ERC2: variants seen among roughly 807,000 people sequenced by gnomAD.
ERC2 encodes ELKS/RAB6-interacting/CAST family member 2.
ERC2 carries 42 observed loss-of-function variants against 114.8 expected under a neutral mutation model. The observed-to-expected ratio is 0.37, with a 90% CI of 0.29 to 0.47. ERC2 has a LOEUF of 0.47. Ranked by LOEUF, ERC2 falls within the 20% of genes least tolerant of loss-of-function variation. The probability of loss-of-function intolerance (pLI) is 0.99; values close to 1 mark genes in which losing one functional copy is unlikely to be tolerated. For synonymous variants in ERC2, 454 were observed against 425.5 expected (o/e 1.07, Z -0.82); for missense variants, 939 against 1,150.7 (o/e 0.82, Z 2.66).
intron 2 of ERC2, among the ~76,000 whole-genome samples, chr3:56,306,588 T>C (rs1222265307): frequency 6.6e-6 from 1 of 152,190 alleles, no homozygotes; most frequent in Admixed American, 6.5e-5. Flanking sequence ...GAAGCACTCA[T>C]GTGTAACATC....
At chr3:56,265,057 T>C (rs1438671549) in intron 3 of ERC2, among the ~76,000 whole-genome samples, 3 of 152,150 alleles carry the variant, frequency 2.0e-5, no homozygotes, top group African/African-American at 7.2e-5. Flanking sequence ...TTCAACATAA[T>C]CTCTATTAAC....
chr3:56,086,630 G>A (rs1023954811), intron 6 of ERC2, among the ~76,000 whole-genome samples: 1 of 151,790 alleles, frequency 6.6e-6, no homozygotes. Context: ...AAAACCACAA[G>A]CAGGCACACA....
intron 4 of ERC2, among the ~76,000 whole-genome samples, chr3:56,153,562 C>T (rs910535391): frequency 3.3e-5 from 5 of 152,276 alleles, no homozygotes; most frequent in South Asian, 2.1e-4. Flanking sequence ...TCCAACTTAA[C>T]ATTAAGTGTA....
At chr3:55,826,842 T>A (rs1370326110) in intron 14 of ERC2, among the ~76,000 whole-genome samples, 2 of 152,236 alleles carry the variant, frequency 1.3e-5, no homozygotes, top group African/African-American at 2.4e-5. Flanking sequence ...AAAATAGCTT[T>A]CAAATGGAAG....
At chr3:55,834,523 T>C (rs1167959850) in intron 14 of ERC2, among the ~76,000 whole-genome samples, 5 of 151,636 alleles carry the variant, frequency 3.3e-5, no homozygotes, top group Admixed American at 6.6e-5. Flanking sequence ...GGGTACATAA[T>C]GAAATGAAGG....
chr3:56,041,764 A>G (rs543395420), intron 7 of ERC2, among the ~76,000 whole-genome samples: 71 of 152,212 alleles, frequency 4.7e-4, no homozygotes, highest in African/African-American at 1.6e-3. Context: ...TCAAGTCCTC[A>G]GGTCCCTAGC....
rs560992453 is a variant in ERC2, at chr3:55,915,032, C to T, written c.2404-26483G>A. On this transcript the variant is annotated intron_variant, in intron 13 of 17. Transcript: ENST00000288221. ...TCTTTTATAAAATCTATGCCGTCGTCGCATATTTCATACACACTTTTTAAT... is the reference window on the plus strand; with the variant it reads ...TCTTTTATAAAATCTATGCCGTCGTTGCATATTTCATACACACTTTTTAAT... Among the ~76,000 whole-genome samples the T allele has an allele frequency of 9.2e-5, 14 of 152,236 alleles. No homozygotes were observed. The East Asian group carries it at 2.3e-3, about 25-fold the overall frequency.
intron 14 of ERC2, among the ~76,000 whole-genome samples, chr3:55,801,185 C>G (rs564607515): frequency 6.6e-6 from 1 of 152,200 alleles, no homozygotes; most frequent in African/African-American, 2.4e-5. Flanking sequence ...TTACATATTA[C>G]TTAATACAAT....
At chr3:55,514,821 G>A (rs78225018) in intron 17 of ERC2, among the ~76,000 whole-genome samples, 23,397 of 152,250 alleles carry the variant, frequency 0.15, 2,082 homozygotes, top group Non-Finnish European at 0.19. Flanking sequence ...GAACCCAGTT[G>A]AGCCCATCTG....
chr3:56,032,949 AAG>A (rs1347360848), intron 7 of ERC2, among the ~76,000 whole-genome samples: 2,216 of 75,432 alleles, frequency 0.029, 125 homozygotes, highest in Middle Eastern at 0.06. Context: ...GAAAGAAAGA[AAG>A]AAAGAAACAG....
intron 2 of ERC2, among the ~76,000 whole-genome samples, chr3:56,416,778 A>G (rs573518466): frequency 1.3e-4 from 20 of 151,962 alleles, no homozygotes; most frequent in Non-Finnish European, 2.5e-4. Flanking sequence ...TGAAAGCTCC[A>G]TACAGGCAGG....
At chr3:56,414,538 T>C (rs1009295178) in intron 2 of ERC2, among the ~76,000 whole-genome samples, 2 of 152,002 alleles carry the variant, frequency 1.3e-5, no homozygotes, top group East Asian at 3.9e-4. Context: ...CTGGCTAACA[T>C]GGTGAATTAT....
chr3:55,663,864 T>C (rs2061244559), intron 17 of ERC2, among the ~76,000 whole-genome samples: 1 of 152,246 alleles, frequency 6.6e-6, no homozygotes, highest in African/African-American at 2.4e-5. Flanking sequence ...ACCCTGTTTC[T>C]AACCATGTAC....
intron 3 of ERC2, among the ~76,000 whole-genome samples, chr3:56,201,428 A>C (rs2048399919): frequency 6.6e-6 from 1 of 152,222 alleles, no homozygotes; most frequent in Admixed American, 6.5e-5. Flanking sequence ...CCAAAACTTT[A>C]TTCCAAGGAG....
At chr3:55,815,030 G>A (rs1180932815) in intron 14 of ERC2, among the ~76,000 whole-genome samples, 1 of 152,104 alleles carries the variant, frequency 6.6e-6, no homozygotes, top group African/African-American at 2.4e-5. Context: ...CAGTCCACTT[G>A]TTGTAATCCC....
rs765557550 is a variant in ERC2 at position 55,769,702 on chromosome 3, C to T, written c.2565-34784G>A. Among the ~76,000 whole-genome samples, 31 of 152,020 alleles carry T rather than the reference C, an allele frequency of 2.0e-4. 1 individual carries two copies. Among genetic ancestry groups the T allele is most frequent in the Non-Finnish European group, 3.5e-4 (24 of 68,018 alleles). ...ACCAATATACATTACATATTGGTTA[C>T]TATATCTGAGTGCCATAAAAGACGG... On this transcript the variant is annotated intron_variant, in intron 14 of 17. Transcript: ENST00000288221.
rs576800724 is a variant in ERC2 at position 55,831,142 on chromosome 3, C to CAAAA, written c.2564+57243_2564+57246dup. On this transcript the variant is annotated intron_variant, in intron 14 of 17. Transcript: ENST00000288221. ...GGCAACATGACAAGACCCCTCTCTACAAAAAAAAAAAAAAATTTAATTAGC... is the reference window on the plus strand; with the variant it reads ...GGCAACATGACAAGACCCCTCTCTACAAAAAAAAAAAAAAAAAAATTTAATTAGC... Among the ~76,000 whole-genome samples the CAAAA allele has an allele frequency of 3.1e-3, 325 of 105,838 alleles. 2 individuals are homozygous for CAAAA. Among genetic ancestry groups the CAAAA allele is most frequent in the African/African-American group, 0.01 (301 of 29,504 alleles). 69.4% of individuals were successfully genotyped at this position (105,838 alleles called of 152,430 possible). A position where few individuals can be genotyped will look rare whatever the true frequency, so the allele number is the denominator to read the frequency against.
intron 14 of ERC2, among the ~76,000 whole-genome samples, chr3:55,747,419 T>TA (rs1423754024): frequency 2.6e-5 from 4 of 152,094 alleles, no homozygotes; most frequent in Middle Eastern, 3.2e-3. Flanking sequence ...CAGAATAAAA[T>TA]AGATTGTCAA....
chr3:56,131,544 A>G (rs1315879398), intron 6 of ERC2, among the ~76,000 whole-genome samples: 2 of 152,222 alleles, frequency 1.3e-5, no homozygotes, highest in African/African-American at 4.8e-5. Context: ...ACAAAAAGCT[A>G]TCTCAGAAAG....
Sources: gnomAD v4.1 joint callset for allele counts (sites outside exome capture counted in the v4.1 genomes callset) on GRCh38, gnomAD v4.1.1 for gene constraint, MANE v1.5 for transcripts, NCBI Gene and HGNC (gene_info 2026-07-23, HGNC 2026-07-21) for gene names.